GFRA1: variants seen among roughly 807,000 people sequenced by gnomAD.
GFRA1 encodes GDNF family receptor alpha 1.
In GFRA1, 16 loss-of-function variants were observed where a neutral mutation model predicts 51.6. That is an observed-to-expected ratio of 0.31 (90% CI 0.21 to 0.47). The LOEUF is 0.47. Ranked by LOEUF, GFRA1 falls within the 20% of genes least tolerant of loss-of-function variation. GFRA1 has a pLI of 1.00. For synonymous variants in GFRA1, 270 were observed against 241.3 expected, an observed-to-expected ratio of 1.12 and a Z score of -1.10; for missense variants, 530 against 594.3, an observed-to-expected ratio of 0.89 and a Z score of 1.13.
intron 4 of GFRA1, among the ~76,000 whole-genome samples, chr10:116,228,704 C>T (rs1472501168): frequency 2.6e-5 from 4 of 152,008 alleles, no homozygotes; most frequent in Non-Finnish European, 4.4e-5. Flanking sequence ...CAGGTGGGGC[C>T]GGGCACGGTG....
chr10:116,174,984 C>A (rs182924865), intron 5 of GFRA1, among the ~76,000 whole-genome samples: 1 of 152,150 alleles, frequency 6.6e-6, no homozygotes, highest in Non-Finnish European at 1.5e-5. Flanking sequence ...ATGCGCTGTC[C>A]TAATCAGTTT....
intron 5 of GFRA1, among the ~76,000 whole-genome samples, chr10:116,150,940 G>A (rs1420132497): frequency 6.6e-6 from 1 of 151,476 alleles, no homozygotes; most frequent in South Asian, 2.1e-4. Context: ...AAATCAGTCA[G>A]ATTTGCTTCA....
intron 9 of GFRA1, among the ~76,000 whole-genome samples, chr10:116,070,734 G>A (rs182610040): frequency 2.0e-5 from 3 of 150,106 alleles, no homozygotes; most frequent in East Asian, 1.9e-4. Context: ...GCTAAGTAAC[G>A]GTGGCCCACC....
chr10:116,206,128 T>C (rs986952570), intron 5 of GFRA1, among the ~76,000 whole-genome samples: 12 of 152,146 alleles, frequency 7.9e-5, no homozygotes, highest in African/African-American at 2.9e-4. Flanking sequence ...CATAAAAGTG[T>C]TCACGCATTT....
At chr10:116,225,271 T>C (rs936101612) in intron 4 of GFRA1, among the ~76,000 whole-genome samples, 2 of 151,990 alleles carry the variant, frequency 1.3e-5, no homozygotes, top group African/African-American at 4.8e-5. Context: ...GCGTGGTGGC[T>C]CACACCTGTA....
chr10:116,110,165 AACC>A (rs1384727310), intron 6 of GFRA1, among the ~76,000 whole-genome samples: 1 of 152,186 alleles, frequency 6.6e-6, no homozygotes, highest in African/African-American at 2.4e-5. Flanking sequence ...TCAGCCTGGG[AACC>A]TGACCTGGCA....
chr10:116,248,365 G>A (rs957592802), intron 4 of GFRA1, among the ~76,000 whole-genome samples: 11 of 152,260 alleles, frequency 7.2e-5, no homozygotes, highest in East Asian at 1.9e-4. Flanking sequence ...GAAAGGGAGC[G>A]CTGTTCCTTT....
chr10:116,271,961 A>T, intron 2 of GFRA1, 29 bp downstream of exon 2: 2 of 1,541,256 alleles, frequency 1.3e-6, no homozygotes, highest in South Asian at 2.4e-5. Flanking sequence ...CTCAGAGGGT[A>T]AGAAAGCCCG....
At chr10:116,100,430 CGG>C (rs1200481660) in intron 6 of GFRA1, among the ~76,000 whole-genome samples, 1 of 152,122 alleles carries the variant, frequency 6.6e-6, no homozygotes, top group Admixed American at 6.5e-5. Context: ...ATGCCAGAGC[CGG>C]AGATCATTCT....
chr10:116,131,649 C>T (rs1448784851), intron 5 of GFRA1, among the ~76,000 whole-genome samples: 1 of 152,040 alleles, frequency 6.6e-6, no homozygotes, highest in East Asian at 1.9e-4. Context: ...AAAGACTACA[C>T]ACAGAAGTAC....
chr10:116,151,424 G>A (rs1959059822), intron 5 of GFRA1, among the ~76,000 whole-genome samples: 1 of 152,182 alleles, frequency 6.6e-6, no homozygotes, highest in Non-Finnish European at 1.5e-5. Context: ...GCCAAATGGG[G>A]AAGGGGCACC....
At chr10:116,128,667 A>C (rs940667740) in intron 5 of GFRA1, among the ~76,000 whole-genome samples, 4 of 143,938 alleles carry the variant, frequency 2.8e-5, no homozygotes, top group Non-Finnish European at 6.0e-5. Context: ...CAGAGCTTGC[A>C]GTGAGCCAAG....
chr10:116,093,653 G>A, intron 8 of GFRA1, 49 bp downstream of exon 8: 1 of 1,563,034 alleles, frequency 6.4e-7, no homozygotes. Flanking sequence ...CTGGAGCTCG[G>A]AGAAGAAAAT....
chr10:116,189,210 C>T (rs115271593), intron 5 of GFRA1, among the ~76,000 whole-genome samples: 4 of 151,800 alleles, frequency 2.6e-5, no homozygotes, highest in Admixed American at 6.6e-5. Flanking sequence ...AGGTGGGATA[C>T]ACCTTCTTCC....
chr10:116,137,088 C>T (rs944674094), intron 5 of GFRA1, among the ~76,000 whole-genome samples: 8 of 152,154 alleles, frequency 5.3e-5, no homozygotes, highest in Non-Finnish European at 1.5e-5. Flanking sequence ...CATAGTCACA[C>T]GGTACATTTG....
chr10:116,148,586 T>TA lies in GFRA1; in HGVS notation c.434-23030dup, dbSNP rs1413815889. 3.3e-5 allele frequency among the ~76,000 whole-genome samples: 5 copies of TA among 152,300 alleles called. No homozygotes were observed. In the South Asian group the frequency reaches 6.2e-4, roughly 19 times the overall value. ...AGACGCCAATAGTCTTGGCTGTTGT[T>TA]AGTTTTATCATTCACCAGTCACTTG... is the stretch of plus-strand genomic sequence containing the variant. On this transcript the variant is annotated intron_variant, in intron 5 of 10. Coordinates refer to ENST00000355422, the MANE Select transcript of GFRA1 (RefSeq NM_005264.8).
rs149856876 is a variant in GFRA1, at chr10:116,213,439, C to A, written c.419-1794G>T. On this transcript the variant is annotated intron_variant, in intron 4 of 10. Transcript: ENST00000355422. ...CCCCTGTATGAAGACAGAACTGTGA[C>A]AATGGTCACAGAAATATTGCTTATT... Among the ~76,000 whole-genome samples, 1,123 of 152,290 alleles carry A rather than the reference C, an allele frequency of 7.4e-3. 7 individuals carry two copies. The highest frequency in any genetic ancestry group is 0.015 in the Admixed American group (227 of 15,294).
chr10:116,200,604 AT>A (rs1235220258), intron 5 of GFRA1, among the ~76,000 whole-genome samples: 1 of 152,220 alleles, frequency 6.6e-6, no homozygotes, highest in Admixed American at 6.5e-5. Context: ...GAAGTCCAAG[AT>A]CCTGGTGCCA....
intron 4 of GFRA1, among the ~76,000 whole-genome samples, chr10:116,230,715 GACACACACACACAC>G (rs5788144): frequency 1.5e-4 from 22 of 150,462 alleles, no homozygotes; most frequent in African/African-American, 4.9e-4. Flanking sequence ...CATGTGGACA[GACACACACACACAC>G]ACACACACAC....
Sources: allele counts gnomAD v4.1 joint callset (sites outside exome capture counted in the v4.1 genomes callset), GRCh38; gene constraint gnomAD v4.1.1; transcripts MANE v1.5; gene names NCBI Gene and HGNC (gene_info 2026-07-23, HGNC 2026-07-21).